Variants in SSBP3 observed in about 807,000 individuals in gnomAD.
SSBP3 encodes single-stranded DNA-binding protein 3.
In SSBP3, 5 loss-of-function variants were observed where a neutral mutation model predicts 69.6. The ratio of observed to expected loss-of-function variants is 0.07; its 90% CI spans 0.04 to 0.15. The LOEUF is 0.15. Among genes scored for constraint, SSBP3 ranks in the 10% least tolerant of loss-of-function variants. SSBP3 has a pLI of 1.00. For missense variants in SSBP3, 312 were observed against 534.0 expected, an observed-to-expected ratio of 0.58 and a Z score of 4.10; for synonymous variants, 196 against 193.4, an observed-to-expected ratio of 1.01 and a Z score of -0.11.
intron 4 of SSBP3, among the ~76,000 whole-genome samples, chr1:54,382,023 A>T (rs1570002535): frequency 1.3e-5 from 2 of 152,114 alleles, no homozygotes; most frequent in African/African-American, 4.8e-5. Context: ...GTGAAACCCC[A>T]TCGCTACTAA....
intron 14 of SSBP3, among the ~76,000 whole-genome samples, chr1:54,235,333 G>C (rs1283171660): frequency 6.8e-6 from 1 of 147,140 alleles, no homozygotes; most frequent in Non-Finnish European, 1.5e-5. Flanking sequence ...CCAGGCTGGA[G>C]TGCAATGGCA....
At position 54,258,004 on chromosome 1, in the gene SSBP3, T is replaced by TGCGGGCTCTCTGCTTCCTCC. The variant is rs1644952440; in HGVS notation, c.447+45_447+64dup. Reference sequence around the variant, plus strand: ...CACATTTTGATTTTTGTTTTTCCTCTGCGGGCTCTCTGCTTCCTCCGCGCC... The same window carrying TGCGGGCTCTCTGCTTCCTCC: ...CACATTTTGATTTTTGTTTTTCCTCTGCGGGCTCTCTGCTTCCTCCGCGGGCTCTCTGCTTCCTCCGCGCC... On this transcript the variant is annotated intron_variant, in intron 6 of 17. Transcript: ENST00000610401. The surrounding 1 kb of genome is among the most constrained non-coding windows in gnomAD (Gnocchi z 4.5). 3 of 1,479,634 alleles carry TGCGGGCTCTCTGCTTCCTCC rather than the reference T, an allele frequency of 2.0e-6. No homozygotes were observed. The highest frequency in any genetic ancestry group is 1.8e-6 in the Non-Finnish European group (2 of 1,093,458). 91.7% of individuals were successfully genotyped at this position (1,479,634 alleles called of 1,614,324 possible). A position where few individuals can be genotyped will look rare whatever the true frequency, so the allele number is the denominator to read the frequency against.
chr1:54,264,218 C>T (rs1645063713), intron 5 of SSBP3, among the ~76,000 whole-genome samples: 1 of 152,084 alleles, frequency 6.6e-6, no homozygotes, highest in Non-Finnish European at 1.5e-5. Context: ...GGGAGGATCC[C>T]TTGAGCCAGG....
At chr1:54,283,825 C>A (rs1645439719) in intron 4 of SSBP3, among the ~76,000 whole-genome samples, 1 of 152,218 alleles carries the variant, frequency 6.6e-6, no homozygotes, top group Non-Finnish European at 1.5e-5. Context: ...CTTGCCCCTG[C>A]CCGGCACTAT....
At chr1:54,343,828 T>C (rs1017217718) in intron 4 of SSBP3, among the ~76,000 whole-genome samples, 9 of 152,196 alleles carry the variant, frequency 5.9e-5, no homozygotes, top group African/African-American at 2.2e-4. Flanking sequence ...AGGAAAGACA[T>C]TGGTTCTTGG....
intron 5 of SSBP3, among the ~76,000 whole-genome samples, chr1:54,271,343 A>C (rs1645189870): frequency 6.6e-6 from 1 of 152,180 alleles, no homozygotes; most frequent in African/African-American, 2.4e-5. Flanking sequence ...ACTGGCTGCA[A>C]GCGATCCTCC....
At chr1:54,413,175 C>T (rs1274427848) in intron 1 of SSBP3, 3 of 152,254 alleles carry the variant, frequency 2.0e-5, no homozygotes, top group African/African-American at 7.2e-5. Context: ...CAGGGCTCCA[C>T]TCTCTCCTGG....
exon 1 of SSBP3, chr1:54,406,194 C>T: frequency 2.1e-6 from 1 of 466,642 alleles, no homozygotes; most frequent in African/African-American, 2.1e-5. Context: ...GCGCTCTTTC[C>T]AGCTGTCAAA....
At chr1:54,240,060 G>T (rs1274042551) in intron 13 of SSBP3, among the ~76,000 whole-genome samples, 1 of 22,442 alleles carries the variant, frequency 4.5e-5, no homozygotes, top group Non-Finnish European at 8.0e-5. Flanking sequence ...GTGTGTGTGT[G>T]TGTGTGTGTG....
chr1:54,338,463 C>T (rs983714253), intron 4 of SSBP3, among the ~76,000 whole-genome samples: 5 of 152,172 alleles, frequency 3.3e-5, no homozygotes, highest in African/African-American at 7.2e-5. Context: ...CTATGCTTCC[C>T]GCCCTCTCAC....
chr1:54,236,272 C>T (rs573967283), intron 14 of SSBP3, among the ~76,000 whole-genome samples: 26 of 152,244 alleles, frequency 1.7e-4, no homozygotes, highest in African/African-American at 6.3e-4. Context: ...TGTACCACCA[C>T]ACCTAGCTAA....
Position 54,225,462 on chromosome 1 carries a change from G to A in SSBP3, c.*1669C>T, listed in dbSNP as rs985806207. The A allele has an allele frequency of 1.2e-5, 14 of 1,204,962 alleles. No individual in the cohort carries two copies. The East Asian group carries it at 1.3e-4, about 11-fold the overall frequency. The allele number at this position is 1,204,962 out of a possible 1,614,324, so 74.6% of individuals were successfully genotyped here. ...AAAAAAGATGTCCCTTTAATAAAAC[G>A]TTATCAACATATATCGTACACAAAC... On this transcript the variant is annotated 3_prime_UTR_variant, in exon 18 of 18. Transcript: ENST00000610401.
intron 17 of SSBP3, among the ~76,000 whole-genome samples, chr1:54,227,447 ATCCTC>A (rs967482927): frequency 1.3e-5 from 2 of 152,128 alleles, no homozygotes; most frequent in African/African-American, 4.8e-5. Flanking sequence ...TGTCTGAGTC[ATCCTC>A]TCCTCTCCAA....
rs78991805 is a variant in SSBP3, at chr1:54,372,456, G to A, written c.276+29405C>T. Among the ~76,000 whole-genome samples the A allele has an allele frequency of 8.4e-3, 1,277 of 152,166 alleles. 10 individuals carry two copies. Among genetic ancestry groups the A allele is most frequent in the Non-Finnish European group, 0.014 (951 of 67,992 alleles). The stretch of plus-strand genomic sequence containing the variant: ...CCAGGAAGCCTTCCCAGCCCCTAAA[G>A]CAGCCAGCGACTCCCCTCTCTGGGC... On this transcript the variant is annotated intron_variant, in intron 4 of 17. Transcript: ENST00000610401.
In SSBP3 at chr1:54,330,712, A is replaced by C. The variant is rs572312474; in HGVS notation, c.277-49185T>G. On this transcript the variant is annotated intron_variant, in intron 4 of 17. Transcript: ENST00000610401. ...GCTCCAACCTTGTGCAGTCAAAAAA[A>C]AATCCCTTTCAGAGCCTAACTCTCA... 4.3e-4 allele frequency among the ~76,000 whole-genome samples: 66 copies of C among 152,346 alleles called. 2 individuals are homozygous for C. Among genetic ancestry groups the C allele is most frequent in the Non-Finnish European group, 3.2e-4 (22 of 68,030 alleles).
At chr1:54,246,500 G>T (rs1380918914) in intron 9 of SSBP3, among the ~76,000 whole-genome samples, 1 of 152,068 alleles carries the variant, frequency 6.6e-6, no homozygotes, top group Non-Finnish European at 1.5e-5. Context: ...TCTCAGCACG[G>T]AGTGGGGTGA....
At chr1:54,359,837 T>C (rs1052865676) in intron 4 of SSBP3, among the ~76,000 whole-genome samples, 1 of 152,154 alleles carries the variant, frequency 6.6e-6, no homozygotes, top group Non-Finnish European at 1.5e-5. Flanking sequence ...GCAACACCAC[T>C]GGCCTGACAG....
At chr1:54,353,518 G>A (rs1646815920) in intron 4 of SSBP3, among the ~76,000 whole-genome samples, 1 of 152,270 alleles carries the variant, frequency 6.6e-6, no homozygotes, top group South Asian at 2.1e-4. Flanking sequence ...CCTCTATGCT[G>A]GCCCCACCAA....
intron 4 of SSBP3, among the ~76,000 whole-genome samples, chr1:54,381,382 CAAAAAAAAAAAA>C (rs59809996): frequency 4.6e-4 from 32 of 69,454 alleles, no homozygotes; most frequent in East Asian, 1.3e-3. Flanking sequence ...TACACCATCT[CAAAAAAAAAAAA>C]AAAAAAAAAA....
Sources: allele counts gnomAD v4.1 joint callset (sites outside exome capture counted in the v4.1 genomes callset), GRCh38; gene constraint gnomAD v4.1.1; non-coding constraint Gnocchi (gnomAD v3.1); transcripts MANE v1.5; gene names NCBI Gene and HGNC (gene_info 2026-07-23, HGNC 2026-07-21).